The following SEC61A2 variants were observed in gnomAD, a reference collection of about 807,000 sequenced individuals.
SEC61A2 encodes the protein protein transport protein Sec61 subunit alpha isoform 2.
Under a neutral mutation model 59.9 loss-of-function variants are expected in SEC61A2, and 28 were observed. The observed-to-expected ratio is 0.47, with a 90% confidence interval of 0.35 to 0.64. SEC61A2 has a LOEUF of 0.64. Among genes scored for constraint, SEC61A2 ranks in the 30% least tolerant of loss-of-function variants. The pLI is 0.01. For missense variants in SEC61A2, 340 were observed against 585.9 expected, an observed-to-expected ratio of 0.58 and a Z score of 4.33; for synonymous variants, 202 against 214.4, an observed-to-expected ratio of 0.94 and a Z score of 0.50.
Position 12,162,547 on chromosome 10 carries a change from C to A in SEC61A2, c.1244+258C>A. 1.6e-6 allele frequency: 1 copy of A among 617,950 alleles called. No homozygotes were observed. The highest frequency in any genetic ancestry group is 1.6e-5 in the South Asian group (1 of 63,242). The allele number at this position is 617,950 out of a possible 1,614,324, so 38.3% of individuals were successfully genotyped here. The stretch of plus-strand genomic sequence containing the variant: ...CTGTTCTCAGCATTGGCTGGCTGCA[C>A]ATACAATCACCAGAGAGCTTTTAAA... On this transcript the variant is annotated intron_variant, in intron 11 of 11. Transcript: ENST00000298428. The surrounding 1 kb of genome is among the most constrained non-coding windows in gnomAD (Gnocchi z 6.1).
chr10:12,143,294 G>T lies in SEC61A2; in HGVS notation c.220+99G>T. 1 of 853,586 alleles carries T rather than the reference G, an allele frequency of 1.2e-6. No individual in the cohort carries two copies. The highest frequency in any genetic ancestry group is 2.0e-6 in the Non-Finnish European group (1 of 497,706). 52.9% of individuals were successfully genotyped at this position (853,586 alleles called of 1,614,324 possible). A position where few individuals can be genotyped will look rare whatever the true frequency, so the allele number is the denominator to read the frequency against. On this transcript the variant is annotated intron_variant, in intron 4 of 11. Coordinates refer to ENST00000298428, the MANE Select transcript of SEC61A2 (RefSeq NM_018144.4). This position sits in a 1 kb window ranked among gnomAD's most constrained non-coding sequence, Gnocchi z 4.8. ...TTTCAATGTCTACAGGGAGGGGGAG[G>T]ATATCATTGCCTAGAAAAGCCTAGT... is the stretch of plus-strand genomic sequence containing the variant.
chr10:12,153,745 TAACA>T lies in SEC61A2; in HGVS notation c.463-2032_463-2029del. 1 of 1,611,630 alleles carries T rather than the reference TAACA, an allele frequency of 6.2e-7. No individual in the cohort carries two copies. The highest frequency in any genetic ancestry group is 8.5e-7 in the Non-Finnish European group (1 of 1,179,476). ...CATTGGTGTCTTTTCAAGGCGTTAC[TAACA>T]TTGAAAATATGTGGATACACTGAAG... is the stretch of plus-strand genomic sequence containing the variant. On this transcript the variant is annotated intron_variant, in intron 6 of 11. Transcript: ENST00000298428. This position sits in a 1 kb window ranked among gnomAD's most constrained non-coding sequence, Gnocchi z 5.2.
chr10:12,156,776 TA>T lies in SEC61A2; in HGVS notation c.617-128del. On this transcript the variant is annotated intron_variant, in intron 7 of 11. Coordinates refer to ENST00000298428, the MANE Select transcript of SEC61A2 (RefSeq NM_018144.4). This position sits in a 1 kb window ranked among gnomAD's most constrained non-coding sequence, Gnocchi z 5.2. ...AGAACCTGCTCACATGGCTATATCA[TA>T]AAGCAAACATTGGCGAATTCTTTTG... The T allele has an allele frequency of 1.2e-6, 1 of 808,328 alleles. No individual in the cohort carries two copies. The highest frequency in any genetic ancestry group is 2.0e-6 in the Non-Finnish European group (1 of 504,276). 50.1% of individuals were successfully genotyped at this position (808,328 alleles called of 1,614,324 possible). A position where few individuals can be genotyped will look rare whatever the true frequency, so the allele number is the denominator to read the frequency against.
chr10:12,169,617 C>T (rs548723573), downstream of SEC61A2: 11 of 277,174 alleles, frequency 4.0e-5, no homozygotes, highest in South Asian at 9.2e-5. The surrounding 1 kb of genome is among the most constrained non-coding windows in gnomAD (Gnocchi z 4.8). Context: ...TTTGAGCTGT[C>T]GAGGTGGCTT....
chr10:12,159,918 GATA>G (rs2131680244), intron 9 of SEC61A2, among the ~76,000 whole-genome samples: 1 of 151,896 alleles, frequency 6.6e-6, no homozygotes, highest in South Asian at 2.1e-4. Flanking sequence ...GTTTTTTTAA[GATA>G]ATAAGACAGT....
chr10:12,156,081 A>G lies in SEC61A2; in HGVS notation c.616+150A>G, dbSNP rs1834391238. 1.3e-6 allele frequency: 1 copy of G among 750,286 alleles called. No homozygotes were observed. 46.5% of individuals were successfully genotyped at this position (750,286 alleles called of 1,614,324 possible). On this transcript the variant is annotated intron_variant, in intron 7 of 11. Transcript: ENST00000298428. The surrounding 1 kb of genome is among the most constrained non-coding windows in gnomAD (Gnocchi z 5.2). Reference sequence around the variant, plus strand: ...ATTCTTCAAAACTTAATGAGCAGAGATTTGTGGAGTAAGCAATACTACCTC... The same window carrying G: ...ATTCTTCAAAACTTAATGAGCAGAGGTTTGTGGAGTAAGCAATACTACCTC...
chr10:12,139,495 C>G (rs1219758500), intron 3 of SEC61A2, among the ~76,000 whole-genome samples: 1 of 151,432 alleles, frequency 6.6e-6, no homozygotes, highest in Non-Finnish European at 1.5e-5. Flanking sequence ...ACTAAAAGTA[C>G]AAAATTGAGC....
At chr10:12,166,969 C>G (rs1354152506), downstream of SEC61A2, 3 of 225,090 alleles carry the variant, frequency 1.3e-5, no homozygotes, top group African/African-American at 7.0e-5. Context: ...GTCAGTCTTA[C>G]AGATTTGTTT....
chr10:12,148,262 T>TTTTA, intron 4 of SEC61A2, among the ~76,000 whole-genome samples: 1 of 117,010 alleles, frequency 8.5e-6, no homozygotes, highest in African/African-American at 3.1e-5. Flanking sequence ...TTTTTTTTTT[T>TTTTA]AAGACAGAAT....
intron 4 of SEC61A2, among the ~76,000 whole-genome samples, chr10:12,146,135 C>T (rs1321120722): frequency 1.3e-5 from 2 of 152,160 alleles, no homozygotes; most frequent in African/African-American, 4.8e-5. Flanking sequence ...ATTTTCCTGC[C>T]TCAGCCTCCT....
At chr10:12,169,790 C>T, downstream of SEC61A2, 1 of 273,106 alleles carries the variant, frequency 3.7e-6, no homozygotes, top group East Asian at 6.9e-5. The surrounding 1 kb of genome is among the most constrained non-coding windows in gnomAD (Gnocchi z 4.8). Context: ...TGCTTATTCA[C>T]TGAAACCGTA....
chr10:12,137,890 C>T (rs146122194), intron 3 of SEC61A2, among the ~76,000 whole-genome samples: 7,641 of 152,110 alleles, frequency 0.05, 260 homozygotes, highest in Non-Finnish European at 0.078. Flanking sequence ...CATGTAATCC[C>T]AGCTACTCGG....
rs748906665 is a variant in SEC61A2, at chr10:12,155,975, T to C, written c.616+44T>C. On this transcript the variant is annotated intron_variant, in intron 7 of 11. Coordinates refer to ENST00000298428, the MANE Select transcript of SEC61A2 (RefSeq NM_018144.4). The surrounding 1 kb of genome is among the most constrained non-coding windows in gnomAD (Gnocchi z 4.3). The stretch of plus-strand genomic sequence containing the variant: ...GCAACTGCACGCGTTTTGCTGGATG[T>C]GTGCTGGGAACAAACCCATCGTGTC... The C allele has an allele frequency of 3.4e-5, 55 of 1,608,296 alleles. No individual in the cohort carries two copies. Among genetic ancestry groups the C allele is most frequent in the Non-Finnish European group, 4.5e-5 (53 of 1,174,964 alleles).
chr10:12,164,237 C>T lies in SEC61A2; in HGVS notation c.1245-31C>T. 1 of 1,610,508 alleles carries T rather than the reference C, an allele frequency of 6.2e-7. No homozygotes were observed. The highest frequency in any genetic ancestry group is 8.5e-7 in the Non-Finnish European group (1 of 1,179,394). On this transcript the variant is annotated intron_variant, in intron 11 of 11. Transcript: ENST00000298428. The surrounding 1 kb of genome is among the most constrained non-coding windows in gnomAD (Gnocchi z 7.3). ...GCTGCCGTGCTGTTCCTGGTCTCTG[C>T]TGCCGCCTAACTTGGGGTTCTGTCT...
At chr10:12,139,327 T>C (rs1206032237) in intron 3 of SEC61A2, among the ~76,000 whole-genome samples, 5 of 151,870 alleles carry the variant, frequency 3.3e-5, no homozygotes, top group African/African-American at 9.7e-5. Flanking sequence ...TGCATCCTGG[T>C]CTACTTTTAG....
At position 12,153,789 on chromosome 10, in the gene SEC61A2, CAG is replaced by C. The variant is rs781486066; in HGVS notation, c.463-1988_463-1987del. 92 of 1,607,774 alleles carry C rather than the reference CAG, an allele frequency of 5.7e-5. No individual in the cohort carries two copies. In the East Asian group the frequency reaches 2.1e-3, roughly 36 times the overall value. On this transcript the variant is annotated intron_variant, in intron 6 of 11. Transcript: ENST00000298428. This position sits in a 1 kb window ranked among gnomAD's most constrained non-coding sequence, Gnocchi z 5.2. ...ATACACTGAAGAGCTATGATTGGATCAGTGTGTTTCACCCAGAAACATAGGTT... is the reference window on the plus strand; with the variant it reads ...ATACACTGAAGAGCTATGATTGGATCTGTGTTTCACCCAGAAACATAGGTT...
At chr10:12,137,903 G>A (rs774973131) in intron 3 of SEC61A2, among the ~76,000 whole-genome samples, 3 of 152,100 alleles carry the variant, frequency 2.0e-5, no homozygotes, top group Non-Finnish European at 2.9e-5. Flanking sequence ...CTACTCGGGA[G>A]GCTGAGGCAG....
At chr10:12,157,424 T>C (rs1343878650) in intron 8 of SEC61A2, among the ~76,000 whole-genome samples, 1 of 151,634 alleles carries the variant, frequency 6.6e-6, no homozygotes, top group Non-Finnish European at 1.5e-5. Flanking sequence ...TAACCTCCTC[T>C]TCCCGAGTTC....
rs190079041 is a variant in SEC61A2 at position 12,145,027 on chromosome 10, C to T, written c.220+1832C>T. Among the ~76,000 whole-genome samples the T allele has an allele frequency of 3.4e-4, 52 of 151,278 alleles. No individual in the cohort carries two copies. The highest frequency in any genetic ancestry group is 6.8e-3 in the Middle Eastern group (2 of 294). ...TCACGCCACTGCACTCTAGCCGGGG[C>T]GACACAACCAGACCCTGTCTCAAAA... On this transcript the variant is annotated intron_variant, in intron 4 of 11. Coordinates refer to ENST00000298428, the MANE Select transcript of SEC61A2 (RefSeq NM_018144.4). The surrounding 1 kb of genome is among the most constrained non-coding windows in gnomAD (Gnocchi z 4.4).
Sources: allele counts gnomAD v4.1 joint callset (sites outside exome capture counted in the v4.1 genomes callset), GRCh38; gene constraint gnomAD v4.1.1; non-coding constraint Gnocchi (gnomAD v3.1); transcripts MANE v1.5; gene names NCBI Gene and HGNC (gene_info 2026-07-23, HGNC 2026-07-21).